Variants in POMZP3 observed in about 807,000 individuals in gnomAD.
POMZP3 encodes the protein POM121 and ZP3 fusion.
Under a neutral mutation model 19.8 loss-of-function variants are expected in POMZP3, and 10 were observed. That is an observed-to-expected ratio of 0.51 (90% CI 0.31 to 0.86). The LOEUF is 0.86. Among genes scored for constraint, POMZP3 ranks in the 40% least tolerant of loss-of-function variants. The probability of loss-of-function intolerance (pLI) is 0.04; values close to 1 mark genes in which losing one functional copy is unlikely to be tolerated. For missense variants in POMZP3, 152 were observed against 228.1 expected, an observed-to-expected ratio of 0.67 and a Z score of 2.15; for synonymous variants, 57 against 85.8, an observed-to-expected ratio of 0.66 and a Z score of 1.85.
At chr7:76,618,604 C>G (rs1219833979) in intron 3 of POMZP3, 1 of 347,748 alleles carries the variant, frequency 2.9e-6, no homozygotes. Context: ...GGGTGACAGA[C>G]TGAGACTCGG....
chr7:76,625,377 T>C, intron 3 of POMZP3, 145 bp downstream of exon 3: 5 of 1,310,924 alleles, frequency 3.8e-6, no homozygotes, highest in Non-Finnish European at 2.1e-6. Flanking sequence ...CCCCTGTTAT[T>C]AGGTTCTTTC....
chr7:76,611,411 A>T (rs1302617169), intron 6 of POMZP3, 43 bp downstream of exon 6: 1 of 1,519,342 alleles, frequency 6.6e-7, no homozygotes, highest in Non-Finnish European at 8.9e-7. Context: ...CCCTCAACTG[A>T]GTAAGGGACA....
chr7:76,625,724 T>C (rs1184130523), intron 2 of POMZP3, 41 bp from the exon 3 acceptor site: 1 of 1,599,398 alleles, frequency 6.3e-7, no homozygotes. Flanking sequence ...GATATTTTAA[T>C]TCCCATGCCA....
intron 3 of POMZP3, among the ~76,000 whole-genome samples, chr7:76,623,932 T>C (rs1815712547): frequency 6.7e-6 from 1 of 148,548 alleles, no homozygotes; most frequent in African/African-American, 2.5e-5. Context: ...TTAAAGATTG[T>C]TTCAAAATAT....
chr7:76,613,507 C>CTTTTTTTTTTTTTTTTT lies in POMZP3; in HGVS notation c.346-1711_346-1695dup, dbSNP rs1193493149. On this transcript the variant is annotated intron_variant, in intron 4 of 6. Coordinates refer to ENST00000310842, the MANE Select transcript of POMZP3 (RefSeq NM_012230.5). Reference sequence around the variant, plus strand: ...ACCCTGTAAGCACTGCCCCCCTACCCTTTTTTTTTTTTTTTTTTCTGAGAC... The same window carrying CTTTTTTTTTTTTTTTTT: ...ACCCTGTAAGCACTGCCCCCCTACCCTTTTTTTTTTTTTTTTTTTTTTTTTTTTTTTTTTTCTGAGAC... Among the ~76,000 whole-genome samples the CTTTTTTTTTTTTTTTTT allele has an allele frequency of 3.0e-4, 20 of 67,410 alleles. 6 individuals carry two copies. The highest frequency in any genetic ancestry group is 1.4e-3 in the African/African-American group (20 of 13,952). The allele number at this position is 67,410 out of a possible 152,430, so 44.2% of individuals were successfully genotyped here.
chr7:76,618,434 A>T (rs776024533), intron 3 of POMZP3, 134 bp from the exon 4 acceptor site: 3 of 926,086 alleles, frequency 3.2e-6, no homozygotes, highest in Admixed American at 4.3e-5. Context: ...CTAGCCTGGC[A>T]AACATGGTGA....
intron 3 of POMZP3, among the ~76,000 whole-genome samples, chr7:76,624,524 C>G (rs1273336736): frequency 1.3e-5 from 2 of 151,852 alleles, no homozygotes; most frequent in Non-Finnish European, 2.9e-5. Context: ...CGGCTCGCTG[C>G]AACCTCCGCC....
Position 76,611,714 on chromosome 7 carries a change from G to A in POMZP3, c.437+8C>T, listed in dbSNP as rs751795577. On this transcript the variant is annotated splice_region_variant and intron_variant, in intron 5 of 6. Transcript: ENST00000310842. ...TTTCTACTCCAGTCACGGAGCACCTGTCCTCACCTGTTGGAAGGCTTGCTG... is the reference window on the plus strand; with the variant it reads ...TTTCTACTCCAGTCACGGAGCACCTATCCTCACCTGTTGGAAGGCTTGCTG... 2.9e-6 allele frequency: 4 copies of A among 1,402,254 alleles called. 1 individual carries two copies. In the South Asian group the frequency reaches 3.6e-5, roughly 13 times the overall value. The allele number at this position is 1,402,254 out of a possible 1,614,324, so 86.9% of individuals were successfully genotyped here. A position where few individuals can be genotyped will look rare whatever the true frequency, so the allele number is the denominator to read the frequency against.
At chr7:76,625,284 C>T (rs1450904800) in intron 3 of POMZP3, among the ~76,000 whole-genome samples, 2 of 150,794 alleles carry the variant, frequency 1.3e-5, no homozygotes, top group Non-Finnish European at 3.0e-5. Flanking sequence ...TGGCTAATAG[C>T]TGTCAGCTTA....
chr7:76,625,486 C>T lies in POMZP3; in HGVS notation c.227+36G>A, dbSNP rs772523713. ...ACATCTCATCCCATAGGAGTCCAAG[C>T]GGGAAACTGGCTTAGTACTCTCCTG... is the stretch of plus-strand genomic sequence containing the variant. On this transcript the variant is annotated intron_variant, in intron 3 of 6. Transcript: ENST00000310842. The T allele has an allele frequency of 2.9e-5, 47 of 1,603,186 alleles. No individual in the cohort carries two copies. The Middle Eastern group carries it at 5.2e-4, about 18-fold the overall frequency.
At chr7:76,616,256 T>C (rs1367346358) in intron 4 of POMZP3, among the ~76,000 whole-genome samples, 2 of 122,042 alleles carry the variant, frequency 1.6e-5, no homozygotes, top group Non-Finnish European at 3.4e-5. Flanking sequence ...GCATTCCAGC[T>C]TGGGTGACAG....
At chr7:76,619,381 CTG>C (rs1815421828) in intron 3 of POMZP3, among the ~76,000 whole-genome samples, 3 of 129,460 alleles carry the variant, frequency 2.3e-5, no homozygotes, top group African/African-American at 9.7e-5. Context: ...GAGTGAGACT[CTG>C]TCTTTAAAAT....
chr7:76,625,431 G>C (rs535347525), intron 3 of POMZP3, 91 bp downstream of exon 3: 293 of 1,589,874 alleles, frequency 1.8e-4, no homozygotes, highest in African/African-American at 1.5e-3. Flanking sequence ...ACAAACTGGA[G>C]GTGGCCTCTG....
rs1322297209 is a variant in POMZP3, at chr7:76,610,059, A to ATAAC, written c.*164_*167dup. 1 of 1,168,994 alleles carries ATAAC rather than the reference A, an allele frequency of 8.6e-7. No homozygotes were observed. The highest frequency in any genetic ancestry group is 1.6e-5 in the African/African-American group (1 of 61,050). 72.4% of individuals were successfully genotyped at this position (1,168,994 alleles called of 1,614,324 possible). On this transcript the variant is annotated 3_prime_UTR_variant, in exon 7 of 7. Transcript: ENST00000310842. ...GCGACACCTCCTGGTGAGAACCAGG[A>ATAAC]TAACAGCAGTCAGAGTCAGGGACAC...
Position 76,611,439 on chromosome 7 carries a change from C to T in POMZP3, c.*11+15G>A. The T allele has an allele frequency of 6.5e-7, 1 of 1,535,388 alleles. No homozygotes were observed. Among genetic ancestry groups the T allele is most frequent in the Non-Finnish European group, 8.8e-7 (1 of 1,141,406 alleles). On this transcript the variant is annotated intron_variant, in intron 6 of 6. Coordinates refer to ENST00000310842, the MANE Select transcript of POMZP3 (RefSeq NM_012230.5). ...AAGGGACAATGAACAGCCTCTTGGC[C>T]ATTCTATGACATACCATGCCTGCGG...
At chr7:76,620,437 T>C (rs1815490651) in intron 3 of POMZP3, among the ~76,000 whole-genome samples, 1 of 147,998 alleles carries the variant, frequency 6.8e-6, no homozygotes, top group South Asian at 2.2e-4. Flanking sequence ...TTATTTTAGA[T>C]TTGCCACAAG....
chr7:76,625,132 CAAAAAA>C (rs59816962), intron 3 of POMZP3, among the ~76,000 whole-genome samples: 3 of 54,386 alleles, frequency 5.5e-5, no homozygotes, highest in Admixed American at 2.3e-4. Flanking sequence ...GACTCCAACT[CAAAAAA>C]AAAAAAAAAA....
chr7:76,618,474 T>C (rs1428051100), intron 3 of POMZP3, 174 bp from the exon 4 acceptor site: 30 of 926,392 alleles, frequency 3.2e-5, no homozygotes, highest in Admixed American at 4.6e-5. Context: ...ATACAAAAAT[T>C]AGCTGGGTGC....
intron 3 of POMZP3, among the ~76,000 whole-genome samples, chr7:76,620,860 C>CCTTTTT (rs752303123): frequency 1.0e-5 from 1 of 100,264 alleles, no homozygotes; most frequent in Non-Finnish European, 1.9e-5. Flanking sequence ...GCTGTAAAGC[C>CCTTTTT]ATTTTTTTTT....
Sources: gnomAD v4.1 joint callset for allele counts (sites outside exome capture counted in the v4.1 genomes callset) on GRCh38, gnomAD v4.1.1 for gene constraint, MANE v1.5 for transcripts, NCBI Gene and HGNC (gene_info 2026-07-23, HGNC 2026-07-21) for gene names.